The following LAMA1 variants were observed in gnomAD, a reference collection of about 807,000 sequenced individuals.
The protein encoded by LAMA1 is laminin subunit alpha 1, also known as laminin subunit alpha-1.
A neutral mutation model predicts 348.7 loss-of-function variants in LAMA1; 219 were observed. The observed-to-expected ratio is 0.63, with a 90% CI of 0.56 to 0.70. The LOEUF is 0.70. Ranked by LOEUF, LAMA1 falls within the 30% of genes least tolerant of loss-of-function variation. The pLI, the probability that LAMA1 is intolerant of heterozygous loss-of-function variation, is 0.00. For missense variants in LAMA1, 3,744 were observed against 3,888.0 expected (o/e 0.96, Z 0.99); for synonymous variants, 1,487 against 1,491.0 (o/e 1.00, Z 0.06).
chr18:7,019,721 A>T (rs1449422848), intron 19 of LAMA1, among the ~76,000 whole-genome samples: 1 of 121,530 alleles, frequency 8.2e-6, no homozygotes, highest in African/African-American at 3.3e-5. Flanking sequence ...TCACTCCGTC[A>T]CCCAGGCTGG....
chr18:7,016,060 A>G (rs2050279171), intron 21 of LAMA1, among the ~76,000 whole-genome samples: 1 of 152,140 alleles, frequency 6.6e-6, no homozygotes, highest in African/African-American at 2.4e-5. Context: ...AAGCGGGGAA[A>G]TGGGGACAGG....
At chr18:6,955,615 G>A in intron 56 of LAMA1, 150 bp from the exon 57 acceptor site, 1 of 703,644 alleles carries the variant, frequency 1.4e-6, no homozygotes, top group Admixed American at 2.0e-5. Flanking sequence ...TCCATCTTCG[G>A]TTTAAATGAT....
At chr18:6,962,837 T>C (rs913312626) in intron 51 of LAMA1, among the ~76,000 whole-genome samples, 1 of 152,200 alleles carries the variant, frequency 6.6e-6, no homozygotes, top group African/African-American at 2.4e-5. Flanking sequence ...CTGTATTTGG[T>C]GAAGTCTGGG....
At chr18:6,962,776 T>C (rs950890529) in intron 51 of LAMA1, among the ~76,000 whole-genome samples, 54 of 152,314 alleles carry the variant, frequency 3.5e-4, no homozygotes, top group South Asian at 1.0e-3. Context: ...AAGGAAGTCA[T>C]TGGCTGTTGT....
chr18:7,113,594 A>G (rs1287328876), intron 1 of LAMA1, among the ~76,000 whole-genome samples: 1 of 152,146 alleles, frequency 6.6e-6, no homozygotes, highest in Admixed American at 6.6e-5. Flanking sequence ...AATGGGAAGA[A>G]TTTTAAACAA....
chr18:6,956,780 G>A lies in LAMA1; in HGVS notation c.7965-15C>T, dbSNP rs2057580900. The A allele has an allele frequency of 3.7e-6, 6 of 1,613,944 alleles. No individual in the cohort carries two copies. Among genetic ancestry groups the A allele is most frequent in the East Asian group, 2.2e-5 (1 of 44,886 alleles). On this transcript the variant is annotated splice_polypyrimidine_tract_variant and intron_variant, in intron 55 of 62. Transcript: ENST00000389658. ...AATCCAAAAGTCTAGGTAGAAACAAGAGAGTGTTTTCAAAATTAGGATATC... is the reference window on the plus strand; with the variant it reads ...AATCCAAAAGTCTAGGTAGAAACAAAAGAGTGTTTTCAAAATTAGGATATC...
At chr18:7,021,842 T>TA (rs1464512885) in intron 19 of LAMA1, among the ~76,000 whole-genome samples, 1 of 62,476 alleles carries the variant, frequency 1.6e-5, no homozygotes, top group African/African-American at 1.1e-4. Flanking sequence ...TAATAATATA[T>TA]TATATTATAT....
chr18:7,101,652 G>C (rs2058291599), intron 1 of LAMA1, among the ~76,000 whole-genome samples: 1 of 152,136 alleles, frequency 6.6e-6, no homozygotes, highest in Non-Finnish European at 1.5e-5. Context: ...CCACCAAAAA[G>C]TGGATACACG....
At chr18:6,969,234 T>A (rs757964900) in intron 48 of LAMA1, among the ~76,000 whole-genome samples, 3 of 152,064 alleles carry the variant, frequency 2.0e-5, no homozygotes, top group Non-Finnish European at 4.4e-5. Context: ...CCGGAGTAGC[T>A]GGGACTACAG....
intron 29 of LAMA1, among the ~76,000 whole-genome samples, chr18:7,004,048 T>A (rs986425597): frequency 3.3e-5 from 5 of 151,986 alleles, no homozygotes; most frequent in Non-Finnish European, 7.4e-5. Context: ...GATTTTCAGG[T>A]TTTCCATGGC....
At chr18:6,956,469 A>T in intron 56 of LAMA1, 167 bp downstream of exon 56, 1 of 1,150,296 alleles carries the variant, frequency 8.7e-7, no homozygotes. Flanking sequence ...TGCTTGAGGC[A>T]CCCTTTCCCT....
chr18:7,093,167 A>G (rs1257810571), intron 1 of LAMA1, among the ~76,000 whole-genome samples: 2 of 152,222 alleles, frequency 1.3e-5, no homozygotes, highest in African/African-American at 2.4e-5. Context: ...CTGTAATCCC[A>G]GCACTTTGGG....
chr18:7,083,760 C>A (rs2143788883), intron 1 of LAMA1, among the ~76,000 whole-genome samples: 1 of 152,006 alleles, frequency 6.6e-6, no homozygotes, highest in East Asian at 1.9e-4. Flanking sequence ...ACATCTGTTC[C>A]AAGATGAAAG....
rs199656824 is a variant in LAMA1 at position 6,955,379 on chromosome 18, A to G, written c.8181T>C (p.Pro2727=). 6.2e-7 allele frequency: 1 copy of G among 1,614,144 alleles called. No homozygotes were observed. The highest frequency in any genetic ancestry group is 1.1e-5 in the South Asian group (1 of 91,054). Residue 2727 remains proline (P), a synonymous_variant, in exon 57 of 63, where the codon CCT becomes CCC. Coordinates refer to ENST00000389658, the MANE Select transcript of LAMA1 (RefSeq NM_005559.4). ...GLTQNSHFIL[P]FNQSAVRKKL... Reference sequence around the variant, plus strand: ...TCTTTCTGACAGCCGACTGATTAAAAGGCAAGATGAAATGGCTGTTTTGTG... The same window carrying G: ...TCTTTCTGACAGCCGACTGATTAAAGGGCAAGATGAAATGGCTGTTTTGTG...
intron 17 of LAMA1, among the ~76,000 whole-genome samples, chr18:7,025,282 A>G (rs1419130548): frequency 2.0e-5 from 3 of 152,092 alleles, no homozygotes; most frequent in African/African-American, 2.4e-5. Context: ...TCCTGCTGCC[A>G]TGCCATGGCA....
chr18:6,970,112 T>C (rs2057651521), intron 48 of LAMA1, among the ~76,000 whole-genome samples: 1 of 151,864 alleles, frequency 6.6e-6, no homozygotes, highest in Non-Finnish European at 1.5e-5. Flanking sequence ...GCTGGAAGAG[T>C]TCCTTGCTGG....
In LAMA1 at chr18:7,069,805, T is replaced by A. The variant is rs141323345; in HGVS notation, c.345+10170A>T. Among the ~76,000 whole-genome samples, 268 of 128,956 alleles carry A rather than the reference T, an allele frequency of 2.1e-3. 1 individual carries two copies. Among genetic ancestry groups the A allele is most frequent in the African/African-American group, 7.3e-3 (248 of 34,182 alleles). 84.6% of individuals were successfully genotyped at this position (128,956 alleles called of 152,430 possible). A position where few individuals can be genotyped will look rare whatever the true frequency, so the allele number is the denominator to read the frequency against. On this transcript the variant is annotated intron_variant, in intron 3 of 62. Coordinates refer to ENST00000389658, the MANE Select transcript of LAMA1 (RefSeq NM_005559.4). Reference sequence around the variant, plus strand: ...TCTTCCCCAGCTGCCCCAAACCCCCTCCTCCAGCTGCCCCAGAGAACCTCT... The same window carrying A: ...TCTTCCCCAGCTGCCCCAAACCCCCACCTCCAGCTGCCCCAGAGAACCTCT...
Position 7,080,569 on chromosome 18 carries a change from A to T in LAMA1, c.62-112T>A, listed in dbSNP as rs1272424341. 5 of 1,122,330 alleles carry T rather than the reference A, an allele frequency of 4.5e-6. No homozygotes were observed. The African/African-American group carries it at 7.7e-5, about 17-fold the overall frequency. 69.5% of individuals were successfully genotyped at this position (1,122,330 alleles called of 1,614,324 possible). ...AGGAGATTGAAAGTCTATGTGCTGAATGAAGGAATCCTTACACAAACACCG... is the reference window on the plus strand; with the variant it reads ...AGGAGATTGAAAGTCTATGTGCTGATTGAAGGAATCCTTACACAAACACCG... On this transcript the variant is annotated intron_variant, in intron 1 of 62. Transcript: ENST00000389658.
intron 57 of LAMA1, among the ~76,000 whole-genome samples, chr18:6,952,076 C>A (rs982872405): frequency 5.3e-5 from 8 of 151,898 alleles, no homozygotes; most frequent in African/African-American, 1.9e-4. Flanking sequence ...AAGTGGAGGC[C>A]AGAGCTACAC....
Sources: gnomAD v4.1 joint callset for allele counts (sites outside exome capture counted in the v4.1 genomes callset) on GRCh38, gnomAD v4.1.1 for gene constraint, MANE v1.5 for transcripts, NCBI Gene and HGNC (gene_info 2026-07-23, HGNC 2026-07-21) for gene names.